Variants in ADIPOR2 observed in about 807,000 individuals in gnomAD.
ADIPOR2 encodes adiponectin receptor 2, also known as adiponectin receptor protein 2.
Under a neutral mutation model 40.9 loss-of-function variants are expected in ADIPOR2, and 18 were observed. The ratio of observed to expected loss-of-function variants is 0.44; its 90% confidence interval spans 0.30 to 0.65. ADIPOR2 has a LOEUF of 0.65. ADIPOR2 is among the 30% of genes least tolerant of loss of function. The pLI, the probability that ADIPOR2 is intolerant of heterozygous loss-of-function variation, is 0.09. For missense variants in ADIPOR2, 283 were observed against 479.2 expected, an observed-to-expected ratio of 0.59 and a Z score of 3.82; for synonymous variants, 165 against 166.4, an observed-to-expected ratio of 0.99 and a Z score of 0.06.
intron 2 of ADIPOR2, among the ~76,000 whole-genome samples, chr12:1,762,627 G>T (rs1318248417): frequency 6.6e-6 from 1 of 152,198 alleles, no homozygotes; most frequent in Non-Finnish European, 1.5e-5. Context: ...TAGAATAAAT[G>T]CATTCTTATC....
chr12:1,751,053 TAGG>T (rs1238255520), intron 1 of ADIPOR2, among the ~76,000 whole-genome samples: 3 of 151,614 alleles, frequency 2.0e-5, no homozygotes, highest in African/African-American at 7.3e-5. Flanking sequence ...TGCATGCTAG[TAGG>T]AGTTCATTTT....
intron 3 of ADIPOR2, among the ~76,000 whole-genome samples, chr12:1,774,655 A>C (rs989951654): frequency 6.6e-6 from 1 of 152,218 alleles, no homozygotes; most frequent in African/African-American, 2.4e-5. Flanking sequence ...GCTATTTACC[A>C]GCATAACCAG....
intron 1 of ADIPOR2, among the ~76,000 whole-genome samples, chr12:1,733,321 T>C (rs145814765): frequency 1.2e-4 from 18 of 152,298 alleles, no homozygotes; most frequent in African/African-American, 3.6e-4. Context: ...TCTAAATATA[T>C]ATTTAGTGTT....
At chr12:1,774,551 AC>A (rs1862548422) in intron 3 of ADIPOR2, among the ~76,000 whole-genome samples, 1 of 152,198 alleles carries the variant, frequency 6.6e-6, no homozygotes, top group African/African-American at 2.4e-5. Flanking sequence ...GTAAACAGAG[AC>A]AGTTTAATAT....
chr12:1,740,655 C>T (rs1047083194), intron 1 of ADIPOR2, among the ~76,000 whole-genome samples: 2 of 152,188 alleles, frequency 1.3e-5, no homozygotes, highest in African/African-American at 4.8e-5. Context: ...ATAGAAACTT[C>T]ATTTGTTTAC....
intron 1 of ADIPOR2, among the ~76,000 whole-genome samples, chr12:1,707,582 A>G (rs910943173): frequency 2.6e-5 from 4 of 152,098 alleles, no homozygotes; most frequent in Non-Finnish European, 5.9e-5. Context: ...TTTCCACCCC[A>G]GCCTTCCAAG....
At chr12:1,765,421 A>T (rs1055631817) in intron 2 of ADIPOR2, among the ~76,000 whole-genome samples, 8 of 152,168 alleles carry the variant, frequency 5.3e-5, no homozygotes, top group Non-Finnish European at 8.8e-5. Flanking sequence ...CTGTTTCTTC[A>T]TTTACCATGT....
chr12:1,699,617 C>T (rs1057317946), intron 1 of ADIPOR2, among the ~76,000 whole-genome samples: 1 of 152,190 alleles, frequency 6.6e-6, no homozygotes, highest in African/African-American at 2.4e-5. Context: ...CACCATTGCA[C>T]TCCAGCCTGG....
Position 1,719,680 on chromosome 12 carries a change from CT to C in ADIPOR2, c.-87+28503del, listed in dbSNP as rs575664850. 8.3e-3 allele frequency among the ~76,000 whole-genome samples: 1,179 copies of C among 142,298 alleles called. 4 individuals carry two copies. The highest frequency in any genetic ancestry group is 0.015 in the African/African-American group (598 of 39,110). The allele number at this position is 142,298 out of a possible 152,430, so 93.4% of individuals were successfully genotyped here. ...AGCAGAAGTTTTTTTTTGTTTTCAT[CT>C]TTTTTTTTTTTTTGGAGATAGTCTT... On this transcript the variant is annotated intron_variant, in intron 1 of 7. Transcript: ENST00000357103.
At chr12:1,748,492 C>CTA (rs1331563134) in intron 1 of ADIPOR2, among the ~76,000 whole-genome samples, 4 of 152,090 alleles carry the variant, frequency 2.6e-5, no homozygotes, top group African/African-American at 9.7e-5. Context: ...TTGTGATCTG[C>CTA]CCACCTCGGC....
intron 1 of ADIPOR2, among the ~76,000 whole-genome samples, chr12:1,726,298 G>A (rs4766414): frequency 0.81 from 123,117 of 151,994 alleles, 50,654 homozygotes; most frequent in East Asian, 0.9. Flanking sequence ...CCTGGGTTCA[G>A]GGGATTCTCC....
At chr12:1,697,153 T>G (rs1428409781) in intron 1 of ADIPOR2, 1 of 152,250 alleles carries the variant, frequency 6.6e-6, no homozygotes, top group Non-Finnish European at 1.5e-5. Flanking sequence ...AAACCTCTGC[T>G]TAGAGATTTC....
chr12:1,736,350 C>T lies in ADIPOR2; in HGVS notation c.-86-17908C>T, dbSNP rs566811841. Among the ~76,000 whole-genome samples the T allele has an allele frequency of 2.0e-3, 305 of 152,302 alleles. 2 individuals carry two copies. The highest frequency in any genetic ancestry group is 3.4e-3 in the Non-Finnish European group (234 of 68,028). ...GGGTGTATGTGTCGAGGAATTTATC[C>T]ATTTCTCCTAGATTTTCTAATTTAT... On this transcript the variant is annotated intron_variant, in intron 1 of 7. Coordinates refer to ENST00000357103, the MANE Select transcript of ADIPOR2 (RefSeq NM_024551.3).
At chr12:1,720,104 T>G (rs1425015007) in intron 1 of ADIPOR2, among the ~76,000 whole-genome samples, 1 of 152,154 alleles carries the variant, frequency 6.6e-6, no homozygotes, top group Non-Finnish European at 1.5e-5. Context: ...ATGCAATAAG[T>G]TGTGACATAT....
intron 2 of ADIPOR2, among the ~76,000 whole-genome samples, chr12:1,754,756 C>T (rs530956035): frequency 7.0e-4 from 103 of 147,558 alleles, no homozygotes; most frequent in African/African-American, 2.3e-3. Context: ...ACTATTGAGA[C>T]GGAGTCTCGC....
At chr12:1,729,609 A>G (rs1291993423) in intron 1 of ADIPOR2, among the ~76,000 whole-genome samples, 1 of 128,810 alleles carries the variant, frequency 7.8e-6, no homozygotes, top group Non-Finnish European at 1.6e-5. Flanking sequence ...CAATGAGCTC[A>G]GCCAGTTGTT....
In ADIPOR2 at chr12:1,754,435, G is replaced by A. The variant is rs200483941; in HGVS notation, c.92G>A (p.Arg31Gln). The change falls in exon 2 of 8, where the codon CGA becomes CAA. Residue 31 changes from arginine to glutamine, a missense_variant. Around this residue, in one of 3 missense-constraint regions of ADIPOR2, gnomAD observed 65 missense variants for 79.9 expected, o/e 0.81. Transcript: ENST00000357103. ...AAAGGGCACCAACTGGATGGTACAC[G>A]AAGAGGTGATAATGACAGCCACCAA... ...LRKGHQLDGTRRGDNDSHQGD... is the reference protein window; with the variant it reads ...LRKGHQLDGTQRGDNDSHQGD... 9.0e-5 allele frequency: 146 copies of A among 1,613,750 alleles called. No individual in the cohort carries two copies. Among genetic ancestry groups the A allele is most frequent in the Non-Finnish European group, 1.1e-4 (135 of 1,179,864 alleles).
intron 1 of ADIPOR2, among the ~76,000 whole-genome samples, chr12:1,699,370 C>T (rs1015030580): frequency 2.0e-5 from 3 of 152,184 alleles, no homozygotes; most frequent in African/African-American, 7.2e-5. Flanking sequence ...GTAATCCCAG[C>T]ACTTTGGGAC....
rs139500114 is a variant in ADIPOR2, at chr12:1,731,597, C to T, written c.-86-22661C>T. Among the ~76,000 whole-genome samples the T allele has an allele frequency of 6.5e-3, 997 of 152,316 alleles. 10 individuals are homozygous for T. The highest frequency in any genetic ancestry group is 0.023 in the African/African-American group (936 of 41,556). On this transcript the variant is annotated intron_variant, in intron 1 of 7. Transcript: ENST00000357103. Reference sequence around the variant, plus strand: ...GTTCTAAGTATCATATAAATGGAATCATATAGCATTTGTCTTTTTGTGTCT... The same window carrying T: ...GTTCTAAGTATCATATAAATGGAATTATATAGCATTTGTCTTTTTGTGTCT...
Sources: allele counts gnomAD v4.1 joint callset (sites outside exome capture counted in the v4.1 genomes callset), GRCh38; gene constraint gnomAD v4.1.1; regional missense constraint gnomAD v4.1.1; transcripts MANE v1.5; gene names NCBI Gene and HGNC (gene_info 2026-07-23, HGNC 2026-07-21).